ACAD11: variants seen among roughly 807,000 people sequenced by gnomAD.
ACAD11 encodes acyl-Coenzyme A dehydrogenase family, member 11.
Under a neutral mutation model 102.2 loss-of-function variants are expected in ACAD11, and 83 were observed. That is an observed-to-expected ratio of 0.81 (90% confidence interval 0.68 to 0.97). The LOEUF is 0.97. Among genes scored for constraint, ACAD11 ranks in the 50% least tolerant of loss-of-function variants. The probability of loss-of-function intolerance (pLI) is 0.00; values close to 1 mark genes in which losing one functional copy is unlikely to be tolerated. For synonymous variants in ACAD11, 324 were observed against 319.8 expected (o/e 1.01, Z -0.14); for missense variants, 901 against 951.7 (o/e 0.95, Z 0.70).
intron 9 of ACAD11, among the ~76,000 whole-genome samples, chr3:132,623,131 T>C (rs1388716022): frequency 1.3e-5 from 2 of 152,226 alleles, no homozygotes; most frequent in Non-Finnish European, 2.9e-5. Flanking sequence ...CACTTTATAA[T>C]ATTCAAGGAG....
chr3:132,594,764 C>T (rs528859666), intron 13 of ACAD11, among the ~76,000 whole-genome samples: 7 of 152,088 alleles, frequency 4.6e-5, no homozygotes, highest in African/African-American at 9.7e-5. Context: ...AATAATAGTA[C>T]TTGCAAATGC....
chr3:132,565,504 G>A (rs944642815), intron 17 of ACAD11, among the ~76,000 whole-genome samples: 1 of 152,080 alleles, frequency 6.6e-6, no homozygotes, highest in African/African-American at 2.4e-5. Flanking sequence ...GTTTAAAAAG[G>A]TCCAGAGTCT....
At chr3:132,640,310 G>C (rs922540502) in intron 4 of ACAD11, among the ~76,000 whole-genome samples, 1 of 151,998 alleles carries the variant, frequency 6.6e-6, no homozygotes, top group East Asian at 1.9e-4. Flanking sequence ...AGCTGGTCTC[G>C]AACTCCTGAC....
intron 4 of ACAD11, among the ~76,000 whole-genome samples, chr3:132,641,633 G>A (rs1940514949): frequency 6.7e-6 from 1 of 149,728 alleles, no homozygotes; most frequent in South Asian, 2.1e-4. Context: ...AGAAGAGGAG[G>A]AAGAAGAGGA....
rs140856216 is a variant in ACAD11 at position 132,598,900 on chromosome 3, G to C, written c.1621+4329C>G. 1.9e-3 allele frequency among the ~76,000 whole-genome samples: 296 copies of C among 152,276 alleles called. 3 individuals are homozygous for C. Among genetic ancestry groups the C allele is most frequent in the African/African-American group, 6.8e-3 (284 of 41,550 alleles). On this transcript the variant is annotated intron_variant, in intron 13 of 19. Transcript: ENST00000264990. ...GTGAAGAGATGTGTCTTCCAGATGA[G>C]GAACAAAACAGAGGAGAGGTAGATT...
chr3:132,596,276 G>A (rs1217746780), intron 13 of ACAD11, among the ~76,000 whole-genome samples: 1 of 152,108 alleles, frequency 6.6e-6, no homozygotes, highest in African/African-American at 2.4e-5. Context: ...CCTATCAAAG[G>A]GTAGAGGGTG....
chr3:132,585,160 A>AAC (rs1012942469), intron 13 of ACAD11, among the ~76,000 whole-genome samples: 42 of 152,322 alleles, frequency 2.8e-4, no homozygotes, highest in African/African-American at 9.9e-4. Flanking sequence ...AGACCAATGG[A>AAC]ACAGAACAGA....
In ACAD11 at chr3:132,598,534, C is replaced by T. The variant is rs576107556; in HGVS notation, c.1621+4695G>A. 4.6e-5 allele frequency among the ~76,000 whole-genome samples: 7 copies of T among 152,324 alleles called. No homozygotes were observed. The South Asian group carries it at 1.0e-3, about 23-fold the overall frequency. On this transcript the variant is annotated intron_variant, in intron 13 of 19. Coordinates refer to ENST00000264990, the MANE Select transcript of ACAD11 (RefSeq NM_032169.5). ...TAGAGGAACAAGGTAGTATGGGAAA[C>T]GCATCCTTTCCACAGAATGGATCAG...
intron 5 of ACAD11, among the ~76,000 whole-genome samples, chr3:132,637,781 G>C (rs1300880066): frequency 6.6e-6 from 1 of 152,032 alleles, no homozygotes; most frequent in Non-Finnish European, 1.5e-5. Flanking sequence ...ATTTCGTTTT[G>C]CCATATCCTG....
At chr3:132,610,858 C>A (rs1939104113) in intron 11 of ACAD11, among the ~76,000 whole-genome samples, 1 of 152,182 alleles carries the variant, frequency 6.6e-6, no homozygotes, top group Non-Finnish European at 1.5e-5. Flanking sequence ...AGGGAATCCT[C>A]CCTAACTCAT....
At chr3:132,600,625 A>C in intron 13 of ACAD11, 1 of 1,613,758 alleles carries the variant, frequency 6.2e-7, no homozygotes, top group Non-Finnish European at 8.5e-7. Flanking sequence ...GAACCAAAAC[A>C]GATGTGTACA....
At chr3:132,649,621 C>T (rs1338566437) in intron 1 of ACAD11, among the ~76,000 whole-genome samples, 1 of 152,218 alleles carries the variant, frequency 6.6e-6, no homozygotes, top group Non-Finnish European at 1.5e-5. Flanking sequence ...TTAATAAATA[C>T]TGAGGGAACT....
chr3:132,642,739 T>G lies in ACAD11; in HGVS notation c.313A>C (p.Ile105Leu). 6.2e-7 allele frequency: 1 copy of G among 1,613,588 alleles called. No individual in the cohort carries two copies. The highest frequency in any genetic ancestry group is 2.2e-5 in the East Asian group (1 of 44,782). The change falls in exon 3 of 20, where the codon ATA becomes CTA. Residue 105 changes from isoleucine (I) to leucine (L), a missense_variant. Physicochemically the swap from Ile to Leu is conservative, Grantham distance 5. Coordinates refer to ENST00000264990, the MANE Select transcript of ACAD11 (RefSeq NM_032169.5). ...ACAGAAGTATCACTGCAGTACAGTA[T>G]AGGCTTGGGAACGGGGAATCCAATT... ...FSIGFPVPKP[I>L]LYCSDTSVIG...
chr3:132,593,882 T>C (rs1175281334), intron 13 of ACAD11, among the ~76,000 whole-genome samples: 1 of 152,156 alleles, frequency 6.6e-6, no homozygotes, highest in African/African-American at 2.4e-5. Context: ...ATATGAGAAG[T>C]AGAAGAGAGC....
intron 5 of ACAD11, among the ~76,000 whole-genome samples, chr3:132,638,063 C>G (rs1940340160): frequency 2.0e-5 from 3 of 152,000 alleles, no homozygotes; most frequent in Non-Finnish European, 4.4e-5. Context: ...AGAAGCTTGA[C>G]AAGTAGTCTA....
chr3:132,643,397 G>A (rs1940596887), intron 2 of ACAD11, among the ~76,000 whole-genome samples: 3 of 152,160 alleles, frequency 2.0e-5, no homozygotes, highest in South Asian at 2.1e-4. Flanking sequence ...AAGCAAACTG[G>A]AGCCTAAATA....
intron 10 of ACAD11, 24 bp from the exon 11 acceptor site, chr3:132,618,796 G>T: frequency 6.5e-7 from 1 of 1,526,732 alleles, no homozygotes; most frequent in South Asian, 1.3e-5. Context: ...GAACATGCCA[G>T]AGTGACCATA....
chr3:132,642,676 C>T lies in ACAD11; in HGVS notation c.375+1G>A. ...CAAAATAAGATTAAGTGTTAATTTACCTGCACATGTTCCATTACGTAAAAT... is the reference window on the plus strand; with the variant it reads ...CAAAATAAGATTAAGTGTTAATTTATCTGCACATGTTCCATTACGTAAAAT... On this transcript the variant is annotated splice_donor_variant, in intron 3 of 19. Transcript: ENST00000264990. LOFTEE classifies it high-confidence loss of function. 1.3e-6 allele frequency: 2 copies of T among 1,599,344 alleles called. No individual in the cohort carries two copies. Among genetic ancestry groups the T allele is most frequent in the Non-Finnish European group, 1.7e-6 (2 of 1,175,458 alleles).
In ACAD11 at chr3:132,603,318, A is replaced by T; in HGVS notation, c.1532T>A (p.Val511Glu). The T allele has an allele frequency of 5.6e-6, 9 of 1,613,814 alleles. No homozygotes were observed. The highest frequency in any genetic ancestry group is 7.6e-6 in the Non-Finnish European group (9 of 1,179,794). The change falls in exon 13 of 20, where the codon GTA (valine) becomes GAA (glutamate). Residue 511 changes from valine (V) to glutamate (E), a missense_variant. Val to Glu is a moderately radical substitution (Grantham distance 121). Coordinates refer to ENST00000264990, the MANE Select transcript of ACAD11 (RefSeq NM_032169.5). ...AATATTCGTGGCATCACTTGAAGCT[A>T]CATCAGGTTCTATAAATAAACAAAA... ...TSCFCMTEPD[V>E]ASSDATNIEC... is the part of the protein sequence containing the mutation.
Sources: gnomAD v4.1 joint callset for allele counts (sites outside exome capture counted in the v4.1 genomes callset) on GRCh38, gnomAD v4.1.1 for gene constraint, MANE v1.5 for transcripts, NCBI Gene and HGNC (gene_info 2026-07-23, HGNC 2026-07-21) for gene names.